The following MMP9 variants were observed in gnomAD, a reference collection of about 807,000 sequenced individuals.
MMP9 encodes matrix metallopeptidase 9.
A neutral mutation model predicts 76.4 loss-of-function variants in MMP9; 73 were observed. The observed-to-expected ratio is 0.96, with a 90% CI of 0.79 to 1.16. The LOEUF is 1.16. Among genes scored for constraint, MMP9 ranks in the 50% most tolerant of loss-of-function variants. MMP9 has a pLI of 0.00. For synonymous variants in MMP9, 412 were observed against 408.4 expected (o/e 1.01, Z -0.11); for missense variants, 943 against 973.0 (o/e 0.97, Z 0.41).
rs781491436 is a variant in MMP9, at chr20:46,011,565, T to A, written c.824-9T>A. 1 of 1,613,838 alleles carries A rather than the reference T, an allele frequency of 6.2e-7. No homozygotes were observed. Among genetic ancestry groups the A allele is most frequent in the Non-Finnish European group, 8.5e-7 (1 of 1,179,950 alleles). The stretch of plus-strand genomic sequence containing the variant: ...CTTCTCCCCCTTTCCCACATCCTCC[T>A]CGCCCCAGGACTCTACACCCAGGAC... On this transcript the variant is annotated splice_polypyrimidine_tract_variant and intron_variant, in intron 5 of 12. Coordinates refer to ENST00000372330, the MANE Select transcript of MMP9 (RefSeq NM_004994.3).
intron 2 of MMP9, among the ~76,000 whole-genome samples, 162 bp downstream of exon 2, chr20:46,010,260 A>T (rs1052830115): frequency 2.1e-5 from 3 of 139,760 alleles, no homozygotes; most frequent in Admixed American, 1.7e-4. Context: ...TTTCTCCTTC[A>T]GGGAAATGGC....
intron 10 of MMP9, 86 bp from the exon 11 acceptor site, chr20:46,014,038 G>T (rs942514193): frequency 6.6e-7 from 1 of 1,521,198 alleles, no homozygotes; most frequent in Non-Finnish European, 8.8e-7. Context: ...GGCTAGGAAA[G>T]GCCTCGCCGG....
At chr20:46,014,655 A>T in intron 12 of MMP9, 181 bp downstream of exon 12, 1 of 682,224 alleles carries the variant, frequency 1.5e-6, no homozygotes, top group Non-Finnish European at 2.5e-6. Flanking sequence ...GATGCAACCA[A>T]GACCAGGACC....
chr20:46,014,940 G>A (rs747071362), intron 12 of MMP9, among the ~76,000 whole-genome samples: 1 of 152,200 alleles, frequency 6.6e-6, no homozygotes, highest in Non-Finnish European at 1.5e-5. Context: ...CATCCAAACA[G>A]TTGACAAGGT....
At chr20:46,014,101 G>A (rs1211947040) in intron 10 of MMP9, 23 bp from the exon 11 acceptor site, 30 of 1,534,224 alleles carry the variant, frequency 2.0e-5, no homozygotes, top group Non-Finnish European at 8.7e-7. Flanking sequence ...CCCCCAAACC[G>A]ACGTGACCCT....
chr20:46,016,542 C>A lies in MMP9; in HGVS notation c.*174C>A. 1.6e-6 allele frequency: 1 copy of A among 631,080 alleles called. No individual in the cohort carries two copies. Among genetic ancestry groups the A allele is most frequent in the Admixed American group, 2.3e-5 (1 of 43,398 alleles). 39.1% of individuals were successfully genotyped at this position (631,080 alleles called of 1,614,324 possible). ...TTTTTGTTGGAGTGTTTCTAATAAA[C>A]TTGGATTCTCTAACCTTTAGAAGCA... is the stretch of plus-strand genomic sequence containing the variant. On this transcript the variant is annotated 3_prime_UTR_variant, in exon 13 of 13. Coordinates refer to ENST00000372330, the MANE Select transcript of MMP9 (RefSeq NM_004994.3).
chr20:46,013,454 T>A lies in MMP9; in HGVS notation c.1530T>A (p.Ser510Arg). Residue 510 changes from serine to arginine, a missense_variant, in exon 9 of 13, where the codon AGT becomes AGA. By Grantham distance (110) the Ser-to-Arg change is moderately radical. Coordinates refer to ENST00000372330, the MANE Select transcript of MMP9 (RefSeq NM_004994.3). The surrounding 1 kb of genome is among the most constrained non-coding windows in gnomAD (Gnocchi z 4.5). ...GPSTATTVPL[S>R]PVDDACNVNI... Reference sequence around the variant, plus strand: ...CTACGGCCACTACTGTGCCTTTGAGTCCGGTGGACGATGCCTGCAACGTGA... The same window carrying A: ...CTACGGCCACTACTGTGCCTTTGAGACCGGTGGACGATGCCTGCAACGTGA... 2 of 1,613,642 alleles carry A rather than the reference T, an allele frequency of 1.2e-6. No individual in the cohort carries two copies. Among genetic ancestry groups the A allele is most frequent in the Admixed American group, 1.7e-5 (1 of 59,980 alleles).
Position 46,014,701 on chromosome 20 carries a change from C to T in MMP9, c.2005+227C>T, listed in dbSNP as rs1600577418. On this transcript the variant is annotated intron_variant, in intron 12 of 12. Transcript: ENST00000372330. ...GCCTCCCCGGCTGGAAGCTCTTTCT[C>T]CTTCAGTACAGGACGGCAGGTGGTT... is the stretch of plus-strand genomic sequence containing the variant. 4 of 605,032 alleles carry T rather than the reference C, an allele frequency of 6.6e-6. No individual in the cohort carries two copies. In the East Asian group the frequency reaches 1.1e-4, roughly 17 times the overall value. The allele number at this position is 605,032 out of a possible 1,614,324, so 37.5% of individuals were successfully genotyped here.
Position 46,013,978 on chromosome 20 carries a change from C to A in MMP9, c.1751-146C>A. On this transcript the variant is annotated intron_variant, in intron 10 of 12. Transcript: ENST00000372330. The surrounding 1 kb of genome is among the most constrained non-coding windows in gnomAD (Gnocchi z 4.5). The stretch of plus-strand genomic sequence containing the variant: ...CCCCCTCCTCTCCACGCCCTCGCGT[C>A]GCTCTACCCAGCGCCTCTGCCCCTG... 3 of 1,412,180 alleles carry A rather than the reference C, an allele frequency of 2.1e-6. No individual in the cohort carries two copies. Among genetic ancestry groups the A allele is most frequent in the East Asian group, 5.0e-5 (2 of 40,066 alleles). 87.5% of individuals were successfully genotyped at this position (1,412,180 alleles called of 1,614,324 possible).
Position 46,011,579 on chromosome 20 carries a change from T to C in MMP9, c.829T>C (p.Tyr277His), listed in dbSNP as rs1243534228. The change falls in exon 6 of 13, where the codon TAC becomes CAC. Residue 277 changes from tyrosine to histidine, a missense_variant. Tyr to His is a moderately conservative substitution (Grantham distance 83, BLOSUM62 2). Coordinates refer to ENST00000372330, the MANE Select transcript of MMP9 (RefSeq NM_004994.3). ...CCACATCCTCCTCGCCCCAGGACTCTACACCCAGGACGGCAATGCTGATGG... is the reference window on the plus strand; with the variant it reads ...CCACATCCTCCTCGCCCCAGGACTCCACACCCAGGACGGCAATGCTGATGG... ...RFGFCPSERL[Y>H]TQDGNADGKP... The C allele has an allele frequency of 6.2e-7, 1 of 1,613,706 alleles. No individual in the cohort carries two copies. Among genetic ancestry groups the C allele is most frequent in the Admixed American group, 1.7e-5 (1 of 59,988 alleles).
chr20:46,016,497 C>A lies in MMP9; in HGVS notation c.*129C>A, dbSNP rs1267935170. On this transcript the variant is annotated 3_prime_UTR_variant, in exon 13 of 13. Transcript: ENST00000372330. ...AAGGGAGGAGTGGAGGTGGGCTGGG[C>A]CCTCTCTTCTCACCTTTGTTTTTTG... The A allele has an allele frequency of 2.6e-6, 2 of 778,850 alleles. No individual in the cohort carries two copies. The highest frequency in any genetic ancestry group is 1.7e-5 in the African/African-American group (1 of 58,668). The allele number at this position is 778,850 out of a possible 1,614,324, so 48.2% of individuals were successfully genotyped here.
intron 8 of MMP9, 121 bp downstream of exon 8, chr20:46,012,703 C>A: frequency 2.8e-6 from 4 of 1,421,176 alleles, no homozygotes; most frequent in South Asian, 1.2e-5. Flanking sequence ...GGGACCTCAA[C>A]GTCTGTCTGG....
At chr20:46,011,373 G>T (rs1345840758) in intron 5 of MMP9, 57 bp downstream of exon 5, 12 of 1,588,182 alleles carry the variant, frequency 7.6e-6, no homozygotes, top group East Asian at 2.2e-5. Context: ...ATGGTCCTGG[G>T]TTCTAATTCC....
chr20:46,010,367 G>C (rs2145451533), intron 2 of MMP9, 116 bp from the exon 3 acceptor site: 2 of 845,868 alleles, frequency 2.4e-6, no homozygotes, highest in Non-Finnish European at 3.8e-6. Context: ...TTATAGATGA[G>C]AGCGTGGACG....
At position 46,014,546 on chromosome 20, in the gene MMP9, C is replaced by A. The variant is rs1212457920; in HGVS notation, c.2005+72C>A. On this transcript the variant is annotated intron_variant, in intron 12 of 12. Coordinates refer to ENST00000372330, the MANE Select transcript of MMP9 (RefSeq NM_004994.3). ...TCTTAGTGAGTGGTCAAATTCTGAG[C>A]GAGGAAGAAAAAGCCCTTGGAAATG... is the stretch of plus-strand genomic sequence containing the variant. The A allele has an allele frequency of 2.8e-6, 4 of 1,441,540 alleles. No individual in the cohort carries two copies. In the East Asian group the frequency reaches 7.4e-5, roughly 27 times the overall value. The allele number at this position is 1,441,540 out of a possible 1,614,324, so 89.3% of individuals were successfully genotyped here.
Position 46,013,671 on chromosome 20 carries a change from T to C in MMP9, c.1625T>C (p.Phe542Ser), listed in dbSNP as rs780500313. Reference sequence around the variant, plus strand: ...CGCTTTCTCAGGAAGTACTGGCGATTCTCTGAGGGCAGGGGGAGCCGGCCG... The same window carrying C: ...CGCTTTCTCAGGAAGTACTGGCGATCCTCTGAGGGCAGGGGGAGCCGGCCG... ...YLFKDGKYWR[F>S]SEGRGSRPQG... Residue 542 changes from phenylalanine (F) to serine (S), a missense_variant, in exon 10 of 13, where the codon TTC becomes TCC. By Grantham distance (155) the Phe-to-Ser change is radical (BLOSUM62 -2). Coordinates refer to ENST00000372330, the MANE Select transcript of MMP9 (RefSeq NM_004994.3). The surrounding 1 kb of genome is among the most constrained non-coding windows in gnomAD (Gnocchi z 4.5). 1 of 1,613,988 alleles carries C rather than the reference T, an allele frequency of 6.2e-7. No individual in the cohort carries two copies. Among genetic ancestry groups the C allele is most frequent in the South Asian group, 1.1e-5 (1 of 91,054 alleles).
intron 7 of MMP9, 30 bp downstream of exon 7, chr20:46,012,343 G>T (rs1294057269): frequency 6.2e-7 from 1 of 1,612,418 alleles, no homozygotes; most frequent in African/African-American, 1.3e-5. Context: ...TCCGGGGCTG[G>T]GGTTCCCGGC....
In MMP9 at chr20:46,008,967, T is replaced by G; in HGVS notation, c.41T>G (p.Leu14Arg). ...CCCCTGGTCCTGGTGCTCCTGGTGCTGGGCTGCTGCTTTGCTGCCCCCAGA... is the reference window on the plus strand; with the variant it reads ...CCCCTGGTCCTGGTGCTCCTGGTGCGGGGCTGCTGCTTTGCTGCCCCCAGA... ...WQPLVLVLLV[L>R]GCCFAAPRQR... The change falls in exon 1 of 13, where the codon CTG becomes CGG. Residue 14 changes from leucine (L) to arginine (R), a missense_variant. Leu to Arg is a moderately radical substitution (Grantham distance 102). Transcript: ENST00000372330. 1 of 1,614,040 alleles carries G rather than the reference T, an allele frequency of 6.2e-7. No individual in the cohort carries two copies. The highest frequency in any genetic ancestry group is 1.1e-5 in the South Asian group (1 of 91,072).
rs148830310 is a variant in MMP9, at chr20:46,012,527, C to T, written c.1275C>T (p.Phe425=). Residue 425 remains phenylalanine (F), a synonymous_variant, in exon 8 of 13, where the codon TTC becomes TTT. Coordinates refer to ENST00000372330, the MANE Select transcript of MMP9 (RefSeq NM_004994.3). The part of the protein sequence containing the change: ...PEALMYPMYR[F]TEGPPLHKDD... ...CGCTCATGTACCCTATGTACCGCTT[C>T]ACTGAGGGGCCCCCCTTGCATAAGG... 14 of 1,613,968 alleles carry T rather than the reference C, an allele frequency of 8.7e-6. No homozygotes were observed. Among genetic ancestry groups the T allele is most frequent in the Non-Finnish European group, 1.2e-5 (14 of 1,179,862 alleles).
Sources: allele counts gnomAD v4.1 joint callset (sites outside exome capture counted in the v4.1 genomes callset), GRCh38; gene constraint gnomAD v4.1.1; non-coding constraint Gnocchi (gnomAD v3.1); transcripts MANE v1.5; gene names NCBI Gene and HGNC (gene_info 2026-07-23, HGNC 2026-07-21).